Variants in ZXDC observed in about 807,000 individuals in gnomAD.
ZXDC encodes zinc finger protein ZXDC.
ZXDC carries 58 observed loss-of-function variants against 63.6 expected under a neutral mutation model. That is an observed-to-expected ratio of 0.91 (90% CI 0.74 to 1.13). ZXDC has a LOEUF of 1.13. ZXDC is among the 50% of genes most tolerant of loss of function. The probability of loss-of-function intolerance (pLI) is 0.00; values close to 1 mark genes in which losing one functional copy is unlikely to be tolerated. For missense variants in ZXDC, 1,133 were observed against 1,148.9 expected (o/e 0.99, Z 0.20); for synonymous variants, 561 against 496.1 (o/e 1.13, Z -1.74).
At chr3:126,438,585 T>C in intron 9 of ZXDC, 124 bp from the exon 10 acceptor site, 1 of 749,974 alleles carries the variant, frequency 1.3e-6, no homozygotes, top group South Asian at 1.8e-5. Context: ...TACTCAAAAC[T>C]ACAGGCTCCC....
chr3:126,442,795 T>G (rs1171290108), intron 7 of ZXDC: 2 of 152,212 alleles, frequency 1.3e-5, no homozygotes, highest in Non-Finnish European at 2.9e-5. Context: ...GATCCAGCTA[T>G]GAACGGCTTC....
At chr3:126,455,259 G>T in intron 7 of ZXDC, 1 of 202,676 alleles carries the variant, frequency 4.9e-6, no homozygotes, top group Non-Finnish European at 8.7e-6. Flanking sequence ...GATATATTTT[G>T]CTGAAAAGTA....
In ZXDC at chr3:126,475,665, C is replaced by A; in HGVS notation, c.201G>T (p.Glu67Asp). The part of the protein sequence containing the change: ...EASGPSPPPA[E>D]DDSDGDSFLV... ...AGAAAGAGTCGCCGTCGCTGTCGTC[C>A]TCGGCGGGCGGCGGGCTTGGCCCGG... The change falls in exon 1 of 10, where the codon GAG becomes GAT. Residue 67 changes from glutamate to aspartate, a missense_variant. Coordinates refer to ENST00000389709, the MANE Select transcript of ZXDC (RefSeq NM_025112.5). The A allele has an allele frequency of 7.0e-7, 1 of 1,430,684 alleles. No individual in the cohort carries two copies. The highest frequency in any genetic ancestry group is 9.2e-7 in the Non-Finnish European group (1 of 1,089,108). 88.6% of individuals were successfully genotyped at this position (1,430,684 alleles called of 1,614,324 possible). A position where few individuals can be genotyped will look rare whatever the true frequency, so the allele number is the denominator to read the frequency against.
chr3:126,448,479 T>C (rs890648878), intron 7 of ZXDC, among the ~76,000 whole-genome samples: 5 of 152,068 alleles, frequency 3.3e-5, no homozygotes, highest in South Asian at 4.1e-4. Context: ...CCCCAAAGTG[T>C]CTGTGACACA....
chr3:126,475,613 C>T lies in ZXDC; in HGVS notation c.253G>A (p.Gly85Ser), dbSNP rs1335233729. Residue 85 changes from glycine (G) to serine (S), a missense_variant, in exon 1 of 10, where the codon GGC becomes AGC. By Grantham distance (56) the Gly-to-Ser change is moderately conservative. Transcript: ENST00000389709. ...FLVLLEVPHG[G>S]AAAEAAGSQE... is the part of the protein sequence containing the mutation. Reference sequence around the variant, plus strand: ...GATCCGGCAGCCTCGGCGGCAGCGCCGCCGTGCGGCACTTCCAGCAGCACC... The same window carrying T: ...GATCCGGCAGCCTCGGCGGCAGCGCTGCCGTGCGGCACTTCCAGCAGCACC... 4 of 1,472,172 alleles carry T rather than the reference C, an allele frequency of 2.7e-6. No homozygotes were observed. The South Asian group carries it at 3.7e-5, about 14-fold the overall frequency. 91.2% of individuals were successfully genotyped at this position (1,472,172 alleles called of 1,614,324 possible).
At chr3:126,470,288 G>A (rs1187055195) in intron 4 of ZXDC, among the ~76,000 whole-genome samples, 1 of 152,264 alleles carries the variant, frequency 6.6e-6, no homozygotes, top group East Asian at 1.9e-4. Flanking sequence ...CCAACATGGT[G>A]AAACCCTGTC....
intron 7 of ZXDC, chr3:126,452,000 A>C (rs1270882997): frequency 1.0e-6 from 1 of 985,114 alleles, no homozygotes; most frequent in Non-Finnish European, 1.2e-6. Context: ...TTAACCTCTC[A>C]TCTTCATTCT....
intron 1 of ZXDC, among the ~76,000 whole-genome samples, chr3:126,474,308 C>T (rs1203193494): frequency 6.6e-6 from 1 of 152,182 alleles, no homozygotes; most frequent in African/African-American, 2.4e-5. Context: ...TCGTAATCCG[C>T]CCGCCTCGGC....
At chr3:126,473,808 C>T (rs1935073218) in intron 1 of ZXDC, among the ~76,000 whole-genome samples, 1 of 152,206 alleles carries the variant, frequency 6.6e-6, no homozygotes, top group Admixed American at 6.5e-5. Context: ...GGCACACATT[C>T]CAGTTTCTGT....
At position 126,469,165 on chromosome 3, in the gene ZXDC, G is replaced by A. The variant is rs113567103; in HGVS notation, c.1270+1730C>T. 5.3e-5 allele frequency among the ~76,000 whole-genome samples: 8 copies of A among 152,250 alleles called. 1 individual carries two copies. Among genetic ancestry groups the A allele is most frequent in the African/African-American group, 1.7e-4 (7 of 41,544 alleles). ...GTGGCAAACTTAGGACTCGAATCCA[G>A]GCAGTCTGACTCCAGAATTCAGGCT... On this transcript the variant is annotated intron_variant, in intron 4 of 9. Transcript: ENST00000389709.
intron 7 of ZXDC, chr3:126,452,599 G>A (rs928981692): frequency 3.7e-5 from 36 of 976,902 alleles, no homozygotes; most frequent in African/African-American, 3.0e-4. Flanking sequence ...AACAGATTTC[G>A]TAACATTAAA....
intron 7 of ZXDC, chr3:126,450,287 T>C (rs1307734344): frequency 2.2e-6 from 1 of 455,224 alleles, no homozygotes; most frequent in Non-Finnish European, 4.4e-6. Flanking sequence ...CACGAGGGAC[T>C]GCTGGGCAAA....
intron 7 of ZXDC, among the ~76,000 whole-genome samples, chr3:126,448,251 C>A (rs1933957678): frequency 6.6e-6 from 1 of 152,224 alleles, no homozygotes; most frequent in Non-Finnish European, 1.5e-5. Flanking sequence ...GAGGTCTGCG[C>A]AAGTTTCATC....
chr3:126,457,600 T>C (rs573096116), intron 7 of ZXDC: 1 of 985,402 alleles, frequency 1.0e-6, no homozygotes, highest in Admixed American at 6.1e-5. Flanking sequence ...TAAAATACTC[T>C]GACCATCACT....
rs138387718 is a variant in ZXDC, at chr3:126,461,734, G to A, written c.1928C>T (p.Ser643Leu). 824 of 1,613,966 alleles carry A rather than the reference G, an allele frequency of 5.1e-4. 3 individuals are homozygous for A. The East Asian group carries it at 0.016, about 32-fold the overall frequency. ...LAAHITTPTS[S>L]STPRENASVP... ...ACTGGCATTTTCTCGGGGGGTGCTC[G>A]AAGAGGTCGGTGTGGTGATATGTGC... The change falls in exon 6 of 10, where the codon TCG (serine) becomes TTG (leucine). Residue 643 changes from serine to leucine, a missense_variant. By Grantham distance (145) the Ser-to-Leu change is moderately radical. Coordinates refer to ENST00000389709, the MANE Select transcript of ZXDC (RefSeq NM_025112.5).
Position 126,475,071 on chromosome 3 carries a change from C to T in ZXDC, c.795G>A (p.Glu265=), listed in dbSNP as rs1560108085. 3.1e-6 allele frequency: 5 copies of T among 1,606,430 alleles called. No homozygotes were observed. Among genetic ancestry groups the T allele is most frequent in the Non-Finnish European group, 4.2e-6 (5 of 1,176,590 alleles). The change falls in exon 1 of 10, where the codon GAG becomes GAA. Residue 265 remains glutamate (E), a synonymous_variant. Coordinates refer to ENST00000389709, the MANE Select transcript of ZXDC (RefSeq NM_025112.5). ...LKAHMKGHEQ[E]SLFKCEVCAE... is the part of the protein sequence containing the mutation. ...CGCACACCTCGCACTTGAACAGGCT[C>T]TCCTGCTCGTGGCCCTTCATGTGCG...
At chr3:126,463,438 TTTGA>T (rs1399365590) in intron 5 of ZXDC, among the ~76,000 whole-genome samples, 2 of 152,254 alleles carry the variant, frequency 1.3e-5, no homozygotes, top group African/African-American at 4.8e-5. Flanking sequence ...TCTTTAAATA[TTTGA>T]TTATTTGTTA....
At position 126,457,796 on chromosome 3, in the gene ZXDC, G is replaced by A. The variant is rs1023896581; in HGVS notation, c.2212+1857C>T. ...GATCCAGTATCTGGTCACAATGGTT[G>A]CCACCAGAGGCTGGGGGTCTCCTGC... On this transcript the variant is annotated intron_variant, in intron 7 of 9. Coordinates refer to ENST00000389709, the MANE Select transcript of ZXDC (RefSeq NM_025112.5). 6 of 406,902 alleles carry A rather than the reference G, an allele frequency of 1.5e-5. No individual in the cohort carries two copies. The Admixed American group carries it at 3.2e-4, about 22-fold the overall frequency. 25.2% of individuals were successfully genotyped at this position (406,902 alleles called of 1,614,324 possible). A position where few individuals can be genotyped will look rare whatever the true frequency, so the allele number is the denominator to read the frequency against.
intron 7 of ZXDC, among the ~76,000 whole-genome samples, chr3:126,445,308 C>T (rs992138253): frequency 2.6e-5 from 4 of 152,054 alleles, no homozygotes; most frequent in African/African-American, 2.4e-5. Flanking sequence ...GGACTTTCTA[C>T]GAGAGATGTC....
Sources: allele counts gnomAD v4.1 joint callset (sites outside exome capture counted in the v4.1 genomes callset), GRCh38; gene constraint gnomAD v4.1.1; transcripts MANE v1.5; gene names NCBI Gene and HGNC (gene_info 2026-07-23, HGNC 2026-07-21).